The following LITAF variants were observed in gnomAD, a reference collection of about 807,000 sequenced individuals.
The protein encoded by LITAF is lipopolysaccharide-induced tumor necrosis factor-alpha factor.
LITAF carries 9 observed loss-of-function variants against 14.5 expected under a neutral mutation model. That is an observed-to-expected ratio of 0.62 (90% CI 0.37 to 1.08). The LOEUF is 1.08. LITAF is among the 50% of genes least tolerant of loss of function. The probability of loss-of-function intolerance (pLI) is 0.01; values close to 1 mark genes in which losing one functional copy is unlikely to be tolerated. For synonymous variants in LITAF, 98 were observed against 88.2 expected (o/e 1.11, Z -0.62); for missense variants, 206 against 213.4 (o/e 0.97, Z 0.22).
intron 1 of LITAF, among the ~76,000 whole-genome samples, chr16:11,597,259 C>A (rs11640023): frequency 0.14 from 21,404 of 152,126 alleles, 1,858 homozygotes; most frequent in Non-Finnish European, 0.18. Context: ...CTGGCACTTT[C>A]TCTTCCTTGT....
chr16:11,595,817 G>A (rs943718513), intron 1 of LITAF, among the ~76,000 whole-genome samples: 1 of 152,220 alleles, frequency 6.6e-6, no homozygotes, highest in African/African-American at 2.4e-5. Context: ...GCAAATGCCT[G>A]TTGGTCATTT....
chr16:11,551,298 C>T (rs540236819), intron 3 of LITAF, among the ~76,000 whole-genome samples: 18 of 152,266 alleles, frequency 1.2e-4, no homozygotes, highest in East Asian at 1.2e-3. Flanking sequence ...GGTGCAGGCA[C>T]GGCTCCAGGC....
chr16:11,635,845 C>T (rs2065135975), exon 2 of LITAF: 1 of 152,248 alleles, frequency 6.6e-6, no homozygotes, highest in Non-Finnish European at 1.5e-5. Flanking sequence ...CCTCGAAGAC[C>T]TGTGTCGCAG....
chr16:11,560,316 C>T (rs1001417246), intron 1 of LITAF, among the ~76,000 whole-genome samples: 2 of 150,980 alleles, frequency 1.3e-5, no homozygotes, highest in African/African-American at 4.9e-5. Flanking sequence ...TAAATAAATA[C>T]ATTAAATGTG....
intron 1 of LITAF, among the ~76,000 whole-genome samples, chr16:11,561,825 C>T (rs1231510618): frequency 6.9e-6 from 1 of 145,748 alleles, no homozygotes; most frequent in African/African-American, 2.5e-5. Context: ...TTATCACCCC[C>T]CCAACTACGA....
At chr16:11,578,253 G>T (rs886631415) in intron 1 of LITAF, among the ~76,000 whole-genome samples, 3 of 152,164 alleles carry the variant, frequency 2.0e-5, no homozygotes. Context: ...TGGACTCCTT[G>T]ACTCTCTTTC....
At chr16:11,554,535 C>T (rs1203767994) in intron 2 of LITAF, among the ~76,000 whole-genome samples, 2 of 152,014 alleles carry the variant, frequency 1.3e-5, no homozygotes, top group African/African-American at 2.4e-5. Context: ...GTAATCCCAG[C>T]AAATCCCTTG....
At chr16:11,585,659 T>A (rs1409278097) in intron 1 of LITAF, among the ~76,000 whole-genome samples, 3 of 151,558 alleles carry the variant, frequency 2.0e-5, no homozygotes, top group Non-Finnish European at 2.9e-5. Flanking sequence ...AGGCAGGGGG[T>A]GAGAGGGCAG....
chr16:11,602,848 C>T (rs1432964471), upstream of LITAF, among the ~76,000 whole-genome samples: 7 of 151,776 alleles, frequency 4.6e-5, no homozygotes, highest in Admixed American at 3.9e-4. Flanking sequence ...GACTGACTCA[C>T]GCCTATAATC....
intron 1 of LITAF, among the ~76,000 whole-genome samples, chr16:11,572,611 G>C (rs2064562661): frequency 6.6e-6 from 1 of 152,168 alleles, no homozygotes; most frequent in Admixed American, 6.6e-5. Context: ...GTAGTCATGA[G>C]AAAACCGGCC....
chr16:11,602,413 C>T (rs1339881102), upstream of LITAF, among the ~76,000 whole-genome samples: 4 of 152,218 alleles, frequency 2.6e-5, no homozygotes, highest in Admixed American at 6.5e-5. Flanking sequence ...AAGAGCCCTA[C>T]GCAGGCTGTT....
At chr16:11,562,911 A>G (rs1002087672) in intron 1 of LITAF, among the ~76,000 whole-genome samples, 4 of 151,936 alleles carry the variant, frequency 2.6e-5, no homozygotes, top group African/African-American at 9.7e-5. Flanking sequence ...CAAAAGAAAA[A>G]AAAATAGAGT....
chr16:11,637,375 C>A (rs541517235), upstream of LITAF, among the ~76,000 whole-genome samples: 24 of 152,328 alleles, frequency 1.6e-4, no homozygotes, highest in African/African-American at 5.8e-4. Context: ...ATTGGTGGCT[C>A]ACTCTCTATC....
chr16:11,623,952 A>G (rs1042746949), intron 3 of LITAF, among the ~76,000 whole-genome samples: 2 of 152,028 alleles, frequency 1.3e-5, no homozygotes, highest in African/African-American at 4.8e-5. Flanking sequence ...GGGTGACAAG[A>G]GCAAAACTCC....
At chr16:11,561,061 C>T (rs2064355537) in intron 1 of LITAF, 1 of 152,194 alleles carries the variant, frequency 6.6e-6, no homozygotes, top group Admixed American at 6.6e-5. Context: ...GACCTACATC[C>T]GGGTTGAACG....
At chr16:11,613,452 G>A (rs1463317108) in intron 3 of LITAF, among the ~76,000 whole-genome samples, 2 of 152,144 alleles carry the variant, frequency 1.3e-5, no homozygotes, top group Non-Finnish European at 2.9e-5. Flanking sequence ...GACACAGCTG[G>A]GTCTGAGGTG....
intron 1 of LITAF, among the ~76,000 whole-genome samples, chr16:11,572,339 G>A (rs773932251): frequency 5.9e-5 from 9 of 151,304 alleles, no homozygotes; most frequent in South Asian, 2.1e-4. Flanking sequence ...ACAACACCCC[G>A]AGTCCTCATG....
intron 3 of LITAF, among the ~76,000 whole-genome samples, chr16:11,616,224 A>C (rs1042158882): frequency 5.3e-5 from 8 of 152,134 alleles, no homozygotes; most frequent in Non-Finnish European, 1.2e-4. Flanking sequence ...CTGGAATCCC[A>C]ATGTTTTGGG....
At chr16:11,562,751 G>A (rs2064388837) in intron 1 of LITAF, among the ~76,000 whole-genome samples, 1 of 152,088 alleles carries the variant, frequency 6.6e-6, no homozygotes, top group Non-Finnish European at 1.5e-5. Flanking sequence ...ACAAAAATTA[G>A]CCGGGCGTTA....
Sources: allele counts gnomAD v4.1 joint callset (sites outside exome capture counted in the v4.1 genomes callset), GRCh38; gene constraint gnomAD v4.1.1; transcripts MANE v1.5; gene names NCBI Gene and HGNC (gene_info 2026-07-23, HGNC 2026-07-21).